ACACA: variants seen among roughly 807,000 people sequenced by gnomAD.
The protein encoded by ACACA is acetyl-CoA carboxylase alpha, also known as acetyl-CoA carboxylase 1.
Under a neutral mutation model 296.1 loss-of-function variants are expected in ACACA, and 103 were observed. That is an observed-to-expected ratio of 0.35 (90% confidence interval 0.30 to 0.41). The LOEUF (loss-of-function observed/expected upper bound fraction) is 0.41. Among genes scored for constraint, ACACA ranks in the 10% least tolerant of loss-of-function variants. ACACA has a pLI of 1.00. For synonymous variants in ACACA, 953 were observed against 1,038.6 expected (o/e 0.92, Z 1.58); for missense variants, 1,554 against 2,989.7 (o/e 0.52, Z 11.20).
chr17:37,190,017 A>G (rs926915991), intron 38 of ACACA, among the ~76,000 whole-genome samples: 1 of 146,976 alleles, frequency 6.8e-6, no homozygotes. Context: ...TCTGTAAGAA[A>G]AAAAAGAAAA....
intron 11 of ACACA, among the ~76,000 whole-genome samples, chr17:37,260,292 ATATATTT>A (rs1232727140): frequency 6.1e-5 from 1 of 16,486 alleles, no homozygotes; most frequent in East Asian, 2.5e-3. Context: ...ATATATATAT[ATATATTT>A]TTTTTTTTTT....
At chr17:37,393,144 C>CAA (rs11286732) in intron 1 of ACACA, among the ~76,000 whole-genome samples, 62 of 82,442 alleles carry the variant, frequency 7.5e-4, no homozygotes, top group African/African-American at 2.2e-3. Flanking sequence ...AACTCCATCT[C>CAA]AAAAAAAAAA....
intron 24 of ACACA, among the ~76,000 whole-genome samples, chr17:37,239,107 G>C (rs1361845078): frequency 1.3e-5 from 2 of 152,228 alleles, no homozygotes; most frequent in Non-Finnish European, 2.9e-5. Flanking sequence ...AAGATGACAA[G>C]CATGAGCCAC....
intron 2 of ACACA, among the ~76,000 whole-genome samples, chr17:37,335,115 A>G (rs2048055915): frequency 1.3e-5 from 2 of 152,028 alleles, no homozygotes; most frequent in Non-Finnish European, 2.9e-5. Context: ...CCTACAAAGG[A>G]CTAGATCTCT....
chr17:37,346,965 G>A (rs1359707184), intron 1 of ACACA, among the ~76,000 whole-genome samples: 4 of 152,106 alleles, frequency 2.6e-5, no homozygotes, highest in African/African-American at 9.7e-5. Flanking sequence ...GACTTTGAGG[G>A]ACTGTTGGGA....
rs898178417 is a variant in ACACA, at chr17:37,291,998, C to T, written c.339-7028G>A. 6.0e-5 allele frequency among the ~76,000 whole-genome samples: 9 copies of T among 150,838 alleles called. 1 individual carries two copies. The Admixed American group carries it at 6.0e-4, about 10-fold the overall frequency. On this transcript the variant is annotated intron_variant, in intron 3 of 55. Transcript: ENST00000616317. ...ACTGCTCTAAGAAGTAATTTTTTAACTTTGCACAAAACATAGTATGAATGT... is the reference window on the plus strand; with the variant it reads ...ACTGCTCTAAGAAGTAATTTTTTAATTTTGCACAAAACATAGTATGAATGT...
chr17:37,123,542 A>G (rs1158714747), intron 48 of ACACA, among the ~76,000 whole-genome samples: 3 of 152,166 alleles, frequency 2.0e-5, no homozygotes, highest in African/African-American at 7.2e-5. Flanking sequence ...GGGATGGGTT[A>G]TAGTCTCTCA....
chr17:37,339,860 A>AGAAG lies in ACACA; in HGVS notation c.39-11_39-10insCTTC. On this transcript the variant is annotated splice_polypyrimidine_tract_variant and intron_variant, in intron 1 of 55. Transcript: ENST00000616317. ...CCACTTCCAAAAAGACCTAGAGAGA[A>AGAAG]AGAGAAAGATTTTAAGGTTTTTTTT... The AGAAG allele has an allele frequency of 7.8e-7, 1 of 1,281,024 alleles. No homozygotes were observed. Among genetic ancestry groups the AGAAG allele is most frequent in the Non-Finnish European group, 1.1e-6 (1 of 896,978 alleles). The allele number at this position is 1,281,024 out of a possible 1,614,324, so 79.4% of individuals were successfully genotyped here.
chr17:37,234,024 G>A (rs60843172), intron 25 of ACACA, among the ~76,000 whole-genome samples: 4,770 of 152,294 alleles, frequency 0.031, 197 homozygotes, highest in African/African-American at 0.094. Context: ...GTGTATGGTA[G>A]ATAGTTTCCC....
At chr17:37,390,304 TTATATATA>T (rs1189193698) in intron 1 of ACACA, among the ~76,000 whole-genome samples, 6 of 17,988 alleles carry the variant, frequency 3.3e-4, no homozygotes, top group African/African-American at 1.5e-3. Context: ...TTATACATAA[TTATATATA>T]TATATATATA....
chr17:37,319,922 G>A (rs2047268981), intron 3 of ACACA, among the ~76,000 whole-genome samples: 1 of 152,006 alleles, frequency 6.6e-6, no homozygotes, highest in Non-Finnish European at 1.5e-5. Flanking sequence ...CTGCACTCCA[G>A]CCTTGGCAAC....
Position 37,106,436 on chromosome 17 carries a change from ATTGATT to A in ACACA, c.6565+5089_6565+5094del, listed in dbSNP as rs2073691167. ...TATCTAAATACACTCACATTTGCATATTGATTTTAACAGCAATCCTCTCAGGGGATG... is the reference window on the plus strand; with the variant it reads ...TATCTAAATACACTCACATTTGCATATTAACAGCAATCCTCTCAGGGGATG... On this transcript the variant is annotated intron_variant, in intron 52 of 55. Coordinates refer to ENST00000616317, the MANE Select transcript of ACACA (RefSeq NM_198834.3). Among the ~76,000 whole-genome samples, 9 of 152,182 alleles carry A rather than the reference ATTGATT, an allele frequency of 5.9e-5. No homozygotes were observed. The South Asian group carries it at 1.9e-3, about 32-fold the overall frequency.
intron 52 of ACACA, among the ~76,000 whole-genome samples, chr17:37,100,783 C>T (rs1216289859): frequency 6.6e-6 from 1 of 152,030 alleles, no homozygotes; most frequent in South Asian, 2.1e-4. Context: ...CTTAGAAATA[C>T]ACACTAATAT....
chr17:37,260,278 ATATATATATATATATATATTTTT>A (rs1342014894), intron 11 of ACACA, among the ~76,000 whole-genome samples: 8 of 31,200 alleles, frequency 2.6e-4, no homozygotes, highest in Admixed American at 1.4e-3. Flanking sequence ...ATATATATAT[ATATATATATATATATATATTTTT>A]TTTTTTTTTT....
intron 1 of ACACA, among the ~76,000 whole-genome samples, chr17:37,346,900 G>C (rs2048651297): frequency 6.6e-6 from 1 of 152,062 alleles, no homozygotes; most frequent in Non-Finnish European, 1.5e-5. Context: ...GACTTGCCTT[G>C]TCTCAGATGA....
intron 55 of ACACA, 58 bp downstream of exon 55, chr17:37,088,878 CTT>C (rs2072411092): frequency 6.3e-7 from 1 of 1,594,458 alleles, no homozygotes; most frequent in South Asian, 1.1e-5. Context: ...TGTTTGGAAA[CTT>C]TTTATTCCAA....
intron 12 of ACACA, 69 bp from the exon 13 acceptor site, chr17:37,258,442 T>C: frequency 6.8e-7 from 1 of 1,469,614 alleles, no homozygotes; most frequent in Non-Finnish European, 9.5e-7. Context: ...GGCTATCAGA[T>C]AACCTAAAAT....
rs2074752396 is a variant in ACACA at position 37,125,782 on chromosome 17, T to C, written c.5957A>G (p.Gln1986Arg). The C allele has an allele frequency of 6.2e-7, 1 of 1,613,744 alleles. No individual in the cohort carries two copies. The highest frequency in any genetic ancestry group is 8.5e-7 in the Non-Finnish European group (1 of 1,179,766). ...ATAGTCAAAAAAGCCACTCAACCAC[T>C]GACCTTTTTGGGCTACAGAAGGGAA... Reference protein sequence around the residue: ...AGRPHPTQKGQWLSGFFDYGS... With the variant: ...AGRPHPTQKGRWLSGFFDYGS... Residue 1986 changes from glutamine to arginine, a missense_variant, in exon 48 of 56, where the codon CAG (glutamine) becomes CGG (arginine). This residue lies in a region of ACACA where 553 missense variants were observed against 1,043.6 expected (regional missense o/e 0.53). Coordinates refer to ENST00000616317, the MANE Select transcript of ACACA (RefSeq NM_198834.3).
rs137974473 is a variant in ACACA, at chr17:37,304,484, T to C, written c.339-19514A>G. ...GAAGTTCTATTTATTGATTCATTGT[T>C]GTCATGCTTAAAAAAACAGTATTTA... On this transcript the variant is annotated intron_variant, in intron 3 of 55. Coordinates refer to ENST00000616317, the MANE Select transcript of ACACA (RefSeq NM_198834.3). Among the ~76,000 whole-genome samples the C allele has an allele frequency of 1.3e-4, 20 of 152,254 alleles. No individual in the cohort carries two copies. In the East Asian group the frequency reaches 3.5e-3, roughly 26 times the overall value.
Sources: allele counts gnomAD v4.1 joint callset (sites outside exome capture counted in the v4.1 genomes callset), GRCh38; gene constraint gnomAD v4.1.1; regional missense constraint gnomAD v4.1.1; transcripts MANE v1.5; gene names NCBI Gene and HGNC (gene_info 2026-07-23, HGNC 2026-07-21).